ZFC3H1: variants seen among roughly 807,000 people sequenced by gnomAD.
ZFC3H1 encodes the protein zinc finger C3H1-type containing, also known as zinc finger C3H1 domain-containing protein.
In ZFC3H1, 71 loss-of-function variants were observed where a neutral mutation model predicts 243.7. The ratio of observed to expected loss-of-function variants is 0.29; its 90% CI spans 0.24 to 0.36. ZFC3H1 has a LOEUF of 0.36. Ranked by LOEUF, ZFC3H1 falls within the 10% of genes least tolerant of loss-of-function variation. ZFC3H1 has a pLI of 1.00. For synonymous variants in ZFC3H1, 838 were observed against 813.0 expected (o/e 1.03, Z -0.52); for missense variants, 1,966 against 2,317.1 (o/e 0.85, Z 3.11).
chr12:71,621,369 C>T (rs1027612622), intron 24 of ZFC3H1, among the ~76,000 whole-genome samples: 1 of 151,170 alleles, frequency 6.6e-6, no homozygotes, highest in Non-Finnish European at 1.5e-5. Context: ...AGTGGCACGA[C>T]CTCGGCTCAC....
In ZFC3H1 at chr12:71,628,906, A is replaced by G. The variant is rs1185406487; in HGVS notation, c.3946+12T>C. ...TTAATAATTCTGGATCTTAAATTAC[A>G]TAACTTCTTACCATACTTAATTGGT... On this transcript the variant is annotated intron_variant, in intron 20 of 34. Coordinates refer to ENST00000378743, the MANE Select transcript of ZFC3H1 (RefSeq NM_144982.5). 3 of 1,577,686 alleles carry G rather than the reference A, an allele frequency of 1.9e-6. No individual in the cohort carries two copies. Among genetic ancestry groups the G allele is most frequent in the South Asian group, 1.2e-5 (1 of 84,404 alleles).
chr12:71,660,272 A>G (rs575819916), intron 1 of ZFC3H1: 3 of 152,348 alleles, frequency 2.0e-5, no homozygotes, highest in South Asian at 4.1e-4. Flanking sequence ...GTTGTAACAA[A>G]TATTTTGTTT....
At chr12:71,612,830 G>C (rs886424050) in intron 31 of ZFC3H1, among the ~76,000 whole-genome samples, 1 of 151,390 alleles carries the variant, frequency 6.6e-6, no homozygotes, top group Non-Finnish European at 1.5e-5. Flanking sequence ...ACAAAGAAAG[G>C]CTGAGAAATC....
intron 22 of ZFC3H1, among the ~76,000 whole-genome samples, 155 bp downstream of exon 22, chr12:71,626,105 T>C (rs1880158221): frequency 6.6e-6 from 1 of 152,150 alleles, no homozygotes. Flanking sequence ...AGAAGTGGCT[T>C]TGTGGTTACT....
chr12:71,632,810 A>T, intron 14 of ZFC3H1, 76 bp downstream of exon 14: 1 of 1,556,978 alleles, frequency 6.4e-7, no homozygotes. Context: ...GTTACTTTAT[A>T]TATACATCTT....
At chr12:71,630,978 T>C in intron 16 of ZFC3H1, 24 bp from the exon 17 acceptor site, 1 of 1,546,478 alleles carries the variant, frequency 6.5e-7, no homozygotes, top group Non-Finnish European at 8.8e-7. Context: ...AGTGAACAGG[T>C]ATATTATGCC....
At chr12:71,659,555 C>A (rs1297634921) in intron 1 of ZFC3H1, among the ~76,000 whole-genome samples, 3 of 151,266 alleles carry the variant, frequency 2.0e-5, no homozygotes, top group Non-Finnish European at 4.4e-5. Context: ...TTCACTGGAG[C>A]CATTTAAAGG....
chr12:71,636,891 G>C lies in ZFC3H1; in HGVS notation c.1894C>G (p.Leu632Val), dbSNP rs1274834597. The C allele has an allele frequency of 1.2e-6, 2 of 1,613,862 alleles. No homozygotes were observed. The highest frequency in any genetic ancestry group is 2.7e-5 in the African/African-American group (2 of 74,872). The change falls in exon 8 of 35, where the codon CTA becomes GTA. Residue 632 changes from leucine (L) to valine (V), a missense_variant. Transcript: ENST00000378743. ...EEEEMLLREELLKSLANKRAF... is the reference protein window; with the variant it reads ...EEEEMLLREEVLKSLANKRAF... ...CTTTTATTTGCTAGAGATTTAAGTA[G>C]TTCTTCTCGAAGCAGCATTTCTTCC...
At position 71,632,212 on chromosome 12, in the gene ZFC3H1, G is replaced by C; in HGVS notation, c.3120C>G (p.Ser1040Arg). 6.2e-7 allele frequency: 1 copy of C among 1,611,278 alleles called. No homozygotes were observed. The highest frequency in any genetic ancestry group is 8.5e-7 in the Non-Finnish European group (1 of 1,179,112). Reference protein sequence around the residue: ...DVDDEILSGSSRERRRSFLES... With the variant: ...DVDDEILSGSRRERRRSFLES... The stretch of plus-strand genomic sequence containing the variant: ...CTAAAAAAGATCTTCTTCGCTCTCT[G>C]CTTGAACCAGACAAAATTTCATCAT... The change falls in exon 15 of 35, where the codon AGC becomes AGG. Residue 1040 changes from serine (S) to arginine (R), a missense_variant. Ser to Arg is a moderately radical substitution (Grantham distance 110). Around this residue, in one of 4 missense-constraint regions of ZFC3H1, gnomAD observed 1,383 missense variants for 1,723.7 expected, o/e 0.80. Coordinates refer to ENST00000378743, the MANE Select transcript of ZFC3H1 (RefSeq NM_144982.5).
rs1309059841 is a variant in ZFC3H1 at position 71,629,602 on chromosome 12, T to C, written c.3826+7A>G. The stretch of plus-strand genomic sequence containing the variant: ...ACACACACACACACACTTATATATG[T>C]ACTTACTATGACCTTTACTTTCATT... On this transcript the variant is annotated splice_region_variant and intron_variant, in intron 19 of 34. Transcript: ENST00000378743. The C allele has an allele frequency of 1.3e-6, 2 of 1,512,756 alleles. No individual in the cohort carries two copies. Among genetic ancestry groups the C allele is most frequent in the South Asian group, 2.3e-5 (2 of 88,524 alleles). 93.7% of individuals were successfully genotyped at this position (1,512,756 alleles called of 1,614,324 possible). A position where few individuals can be genotyped will look rare whatever the true frequency, so the allele number is the denominator to read the frequency against.
chr12:71,626,264 C>A lies in ZFC3H1; in HGVS notation c.4313G>T (p.Trp1438Leu). 6.2e-7 allele frequency: 1 copy of A among 1,612,576 alleles called. No homozygotes were observed. The highest frequency in any genetic ancestry group is 1.1e-5 in the South Asian group (1 of 91,000). ...TACGTTATCTTTTCTACTCACAGTCCAAAAGCTTTGATAATCTGGAGCATA... is the reference window on the plus strand; with the variant it reads ...TACGTTATCTTTTCTACTCACAGTCAAAAAGCTTTGATAATCTGGAGCATA... ...VEYAPDYQSF[W>L]TFLHLESTFE... Residue 1438 changes from tryptophan to leucine, a missense_variant, in exon 22 of 35, where the codon TGG (tryptophan) becomes TTG (leucine). By Grantham distance (61) the Trp-to-Leu change is moderately conservative (BLOSUM62 -2). Transcript: ENST00000378743.
Position 71,644,102 on chromosome 12 carries a change from C to T in ZFC3H1, c.1496G>A (p.Arg499Lys). 1 of 1,610,898 alleles carries T rather than the reference C, an allele frequency of 6.2e-7. No individual in the cohort carries two copies. The highest frequency in any genetic ancestry group is 8.5e-7 in the Non-Finnish European group (1 of 1,178,822). Residue 499 changes from arginine (R) to lysine (K), a missense_variant, in exon 5 of 35, where the codon AGA becomes AAA. Arg to Lys is a conservative substitution (Grantham distance 26). This residue lies in a region of ZFC3H1 where 1,383 missense variants were observed against 1,723.7 expected (regional missense o/e 0.80). Coordinates refer to ENST00000378743, the MANE Select transcript of ZFC3H1 (RefSeq NM_144982.5). ...TATTTTTGCATTTCTTACTTTACTT[C>T]TTGATCTCCTCTTGCCACCAACCAA... ...MKLVGGKRRS[R>K]SKSSDPDLRR...
At chr12:71,653,594 A>C (rs1880943365) in intron 2 of ZFC3H1, among the ~76,000 whole-genome samples, 1 of 152,252 alleles carries the variant, frequency 6.6e-6, no homozygotes, top group Non-Finnish European at 1.5e-5. Context: ...TCAACTACAG[A>C]ATATCAAAGA....
intron 27 of ZFC3H1, among the ~76,000 whole-genome samples, chr12:71,617,322 CT>C (rs1282616887): frequency 6.6e-6 from 1 of 152,186 alleles, no homozygotes; most frequent in Non-Finnish European, 1.5e-5. Context: ...AATGCACAAT[CT>C]TTGTGTAACC....
At position 71,627,928 on chromosome 12, in the gene ZFC3H1, T is replaced by C; in HGVS notation, c.3953A>G (p.Gln1318Arg). ...QSTGPIKYAF[Q>R]PENQINVPAL... is the part of the protein sequence containing the mutation. ...TGGAACATTTATTTGGTTCTCTGGC[T>C]GGAAAGCTATTTAAAAAAAAAGTAT... Residue 1318 changes from glutamine to arginine, a missense_variant, in exon 21 of 35, where the codon CAG becomes CGG. Physicochemically the swap from Gln to Arg is conservative, Grantham distance 43. Transcript: ENST00000378743. 6.2e-7 allele frequency: 1 copy of C among 1,611,124 alleles called. No homozygotes were observed. Among genetic ancestry groups the C allele is most frequent in the Non-Finnish European group, 8.5e-7 (1 of 1,179,312 alleles).
Position 71,620,138 on chromosome 12 carries a change from A to G in ZFC3H1, c.4851-14T>C, listed in dbSNP as rs773521774. The G allele has an allele frequency of 6.3e-7, 1 of 1,592,974 alleles. No individual in the cohort carries two copies. Among genetic ancestry groups the G allele is most frequent in the South Asian group, 1.1e-5 (1 of 87,986 alleles). On this transcript the variant is annotated splice_polypyrimidine_tract_variant and intron_variant, in intron 25 of 34. Transcript: ENST00000378743. ...GCAGCCTCATACCTTAACAAAAAAG[A>G]AAAAAAAAGGCTAAAGACATGAAAA...
At chr12:71,655,205 T>C (rs1012817857) in intron 2 of ZFC3H1, among the ~76,000 whole-genome samples, 4 of 152,272 alleles carry the variant, frequency 2.6e-5, no homozygotes, top group Admixed American at 6.5e-5. Flanking sequence ...TTGGTTATCA[T>C]AGCAATCTTA....
intron 2 of ZFC3H1, chr12:71,656,306 A>T (rs1881017786): frequency 1.1e-5 from 4 of 373,414 alleles, no homozygotes; most frequent in Non-Finnish European, 1.9e-5. Flanking sequence ...ATTATATCTT[A>T]ATAAAGAGGA....
At position 71,620,567 on chromosome 12, in the gene ZFC3H1, T is replaced by C. The variant is rs1484931159; in HGVS notation, c.4745-252A>G. Among the ~76,000 whole-genome samples the C allele has an allele frequency of 2.0e-5, 3 of 152,204 alleles. No individual in the cohort carries two copies. The East Asian group carries it at 5.8e-4, about 29-fold the overall frequency. The stretch of plus-strand genomic sequence containing the variant: ...AGAATAAAGCCATCCCATATGAGCT[T>C]TTGCATCTATCAGTGTTTTCATTTA... On this transcript the variant is annotated intron_variant, in intron 24 of 34. Coordinates refer to ENST00000378743, the MANE Select transcript of ZFC3H1 (RefSeq NM_144982.5).
Sources: allele counts gnomAD v4.1 joint callset (sites outside exome capture counted in the v4.1 genomes callset), GRCh38; gene constraint gnomAD v4.1.1; regional missense constraint gnomAD v4.1.1; transcripts MANE v1.5; gene names NCBI Gene and HGNC (gene_info 2026-07-23, HGNC 2026-07-21).